The following ADIPOR2 variants were observed in gnomAD, a reference collection of about 807,000 sequenced individuals.
ADIPOR2 encodes adiponectin receptor 2, also known as adiponectin receptor protein 2.
A neutral mutation model predicts 40.9 loss-of-function variants in ADIPOR2; 18 were observed. The ratio of observed to expected loss-of-function variants is 0.44; its 90% CI spans 0.30 to 0.65. ADIPOR2 has a LOEUF of 0.65. Among genes scored for constraint, ADIPOR2 ranks in the 30% least tolerant of loss-of-function variants. The probability of loss-of-function intolerance (pLI) is 0.09; values close to 1 mark genes in which losing one functional copy is unlikely to be tolerated. For synonymous variants in ADIPOR2, 165 were observed against 166.4 expected (o/e 0.99, Z 0.06); for missense variants, 283 against 479.2 (o/e 0.59, Z 3.82).
chr12:1,718,410 G>C (rs1303096725), intron 1 of ADIPOR2, among the ~76,000 whole-genome samples: 1 of 151,998 alleles, frequency 6.6e-6, no homozygotes, highest in Non-Finnish European at 1.5e-5. Context: ...TAAAGCTTTA[G>C]AACTTGACTT....
At chr12:1,704,293 T>C (rs900243607) in intron 1 of ADIPOR2, among the ~76,000 whole-genome samples, 1 of 152,122 alleles carries the variant, frequency 6.6e-6, no homozygotes, top group Non-Finnish European at 1.5e-5. Context: ...ATATGATTGG[T>C]GGATGACTTG....
At chr12:1,758,627 A>AT (rs1312256938) in intron 2 of ADIPOR2, among the ~76,000 whole-genome samples, 2 of 152,244 alleles carry the variant, frequency 1.3e-5, no homozygotes, top group Non-Finnish European at 2.9e-5. Context: ...AGGGGGATAG[A>AT]TAAGAGTTAT....
intron 1 of ADIPOR2, among the ~76,000 whole-genome samples, chr12:1,718,455 A>AT (rs112954327): frequency 1.0e-3 from 149 of 148,312 alleles, no homozygotes; most frequent in African/African-American, 1.9e-3. Flanking sequence ...ACAAATTCAG[A>AT]TTTTTTTTTT....
chr12:1,730,432 A>G (rs7980190), intron 1 of ADIPOR2, among the ~76,000 whole-genome samples: 21,810 of 151,722 alleles, frequency 0.14, 1,659 homozygotes, highest in Admixed American at 0.23. Flanking sequence ...CCTGACTAAC[A>G]CGGTGAAACC....
chr12:1,710,410 A>G (rs2154441734), intron 1 of ADIPOR2, among the ~76,000 whole-genome samples: 1 of 152,252 alleles, frequency 6.6e-6, no homozygotes, highest in African/African-American at 2.4e-5. Flanking sequence ...GCCCACTGGA[A>G]GGAACCAACT....
At chr12:1,764,547 T>C (rs1216784341) in intron 2 of ADIPOR2, among the ~76,000 whole-genome samples, 2 of 131,118 alleles carry the variant, frequency 1.5e-5, no homozygotes, top group African/African-American at 2.9e-5. Flanking sequence ...AAAAACCTTA[T>C]TAAAGTATTA....
intron 1 of ADIPOR2, among the ~76,000 whole-genome samples, chr12:1,752,658 A>G (rs1319422095): frequency 2.6e-5 from 4 of 152,160 alleles, no homozygotes; most frequent in Non-Finnish European, 5.9e-5. Flanking sequence ...TCCAAACTCT[A>G]ATCCTCAAAA....
At chr12:1,706,001 G>T (rs563117865) in intron 1 of ADIPOR2, among the ~76,000 whole-genome samples, 22 of 152,192 alleles carry the variant, frequency 1.4e-4, no homozygotes, top group Non-Finnish European at 2.6e-4. Flanking sequence ...GAGATGATAG[G>T]TGAAGGGTCA....
chr12:1,700,900 G>T (rs1359001909), intron 1 of ADIPOR2, among the ~76,000 whole-genome samples: 2 of 151,728 alleles, frequency 1.3e-5, no homozygotes, highest in Non-Finnish European at 2.9e-5. Context: ...GTTTTATTTG[G>T]CCAATATATG....
At chr12:1,709,278 C>T (rs1225452532) in intron 1 of ADIPOR2, among the ~76,000 whole-genome samples, 1 of 152,112 alleles carries the variant, frequency 6.6e-6, no homozygotes, top group Non-Finnish European at 1.5e-5. Flanking sequence ...TTTAGTTTCT[C>T]TCAGCAGTGT....
intron 1 of ADIPOR2, among the ~76,000 whole-genome samples, chr12:1,703,704 GA>G (rs1168717331): frequency 1.3e-5 from 2 of 151,854 alleles, no homozygotes; most frequent in East Asian, 3.9e-4. Context: ...GTGACAGAGT[GA>G]AACTCTGTCT....
At position 1,786,447 on chromosome 12, in the gene ADIPOR2, C is replaced by A. The variant is rs533077487; in HGVS notation, c.*375C>A. On this transcript the variant is annotated 3_prime_UTR_variant, in exon 8 of 8. Coordinates refer to ENST00000357103, the MANE Select transcript of ADIPOR2 (RefSeq NM_024551.3). The stretch of plus-strand genomic sequence containing the variant: ...TTCTTTCTTCTCCCTTTCTCTCTCT[C>A]TATGACAATAATACAAACCAATTTA... 1.5e-4 allele frequency: 28 copies of A among 189,486 alleles called. No individual in the cohort carries two copies. In the East Asian group the frequency reaches 3.6e-3, roughly 25 times the overall value. 11.7% of individuals were successfully genotyped at this position (189,486 alleles called of 1,614,324 possible).
At chr12:1,755,234 C>G (rs893165264) in intron 2 of ADIPOR2, among the ~76,000 whole-genome samples, 31 of 152,092 alleles carry the variant, frequency 2.0e-4, no homozygotes, top group Admixed American at 4.6e-4. Context: ...CACCTGCCAC[C>G]ACGCCTGGCT....
intron 1 of ADIPOR2, among the ~76,000 whole-genome samples, chr12:1,745,405 A>G (rs2094752828): frequency 6.6e-6 from 1 of 152,216 alleles, no homozygotes; most frequent in Non-Finnish European, 1.5e-5. Flanking sequence ...GTACCCATCA[A>G]GCAGAAAGTT....
intron 1 of ADIPOR2, among the ~76,000 whole-genome samples, chr12:1,741,881 T>C (rs11061959): frequency 0.044 from 6,769 of 152,210 alleles, 250 homozygotes; most frequent in East Asian, 0.18. Flanking sequence ...AAAGTAGATA[T>C]GTTACATAAA....
At chr12:1,723,463 GAA>G (rs58233234) in intron 1 of ADIPOR2, among the ~76,000 whole-genome samples, 10,623 of 105,934 alleles carry the variant, frequency 0.1, 564 homozygotes, top group Non-Finnish European at 0.13. Context: ...CGTCTCTACT[GAA>G]AAAAAAAAAA....
At chr12:1,748,112 A>G (rs2094759865) in intron 1 of ADIPOR2, among the ~76,000 whole-genome samples, 1 of 149,944 alleles carries the variant, frequency 6.7e-6, no homozygotes, top group South Asian at 2.1e-4. Context: ...GAGCCCCCCC[A>G]CCCTTTATTT....
At chr12:1,752,663 T>C (rs975249341) in intron 1 of ADIPOR2, among the ~76,000 whole-genome samples, 16 of 152,120 alleles carry the variant, frequency 1.1e-4, no homozygotes, top group Non-Finnish European at 1.9e-4. Flanking sequence ...ACTCTAATCC[T>C]CAAAATGGAG....
intron 1 of ADIPOR2, among the ~76,000 whole-genome samples, chr12:1,743,333 A>G (rs932674436): frequency 6.9e-6 from 1 of 145,118 alleles, no homozygotes; most frequent in African/African-American, 2.5e-5. Flanking sequence ...AAAAAAAGAA[A>G]TTCTATGAGT....
Sources: gnomAD v4.1 joint callset for allele counts (sites outside exome capture counted in the v4.1 genomes callset) on GRCh38, gnomAD v4.1.1 for gene constraint, MANE v1.5 for transcripts, NCBI Gene and HGNC (gene_info 2026-07-23, HGNC 2026-07-21) for gene names.